Variants in ZNF169 observed in about 807,000 individuals in gnomAD.
ZNF169 encodes the protein zinc finger protein 169.
A neutral mutation model predicts 12.0 loss-of-function variants in ZNF169; 11 were observed. The observed-to-expected ratio is 0.92, with a 90% CI of 0.58 to 1.52. ZNF169 has a LOEUF of 1.52. ZNF169 is among the 40% of genes most tolerant of loss of function. ZNF169 has a pLI of 0.00. For missense variants in ZNF169, 722 were observed against 744.0 expected (o/e 0.97, Z 0.34); for synonymous variants, 302 against 286.5 (o/e 1.05, Z -0.55).
At chr9:94,291,607 T>A (rs534550840) in intron 2 of ZNF169, among the ~76,000 whole-genome samples, 1 of 152,168 alleles carries the variant, frequency 6.6e-6, no homozygotes, top group Non-Finnish European at 1.5e-5. Context: ...TAAAGCTAAG[T>A]AAAGTTTAGT....
At position 94,292,343 on chromosome 9, in the gene ZNF169, A is replaced by T. The variant is rs781165479; in HGVS notation, c.36A>T (p.Ala12=). ...SPGLLTTRKE[A]LMAFRDVAVA... Reference sequence around the variant, plus strand: ...GCAGGGATGTGTTTGTGTTACAGGCATTGATGGCCTTCCGGGATGTGGCTG... The same window carrying T: ...GCAGGGATGTGTTTGTGTTACAGGCTTTGATGGCCTTCCGGGATGTGGCTG... The change falls in exon 3 of 5, where the codon GCA becomes GCT. Residue 12 remains alanine, a splice_region_variant and synonymous_variant. Transcript: ENST00000395395. 1.2e-6 allele frequency: 2 copies of T among 1,614,144 alleles called. No homozygotes were observed. Among genetic ancestry groups the T allele is most frequent in the South Asian group, 1.1e-5 (1 of 91,088 alleles).
At position 94,277,790 on chromosome 9, in the gene ZNF169, G is replaced by A. The variant is rs1012685172; in HGVS notation, c.-55-968G>A. On this transcript the variant is annotated intron_variant, in intron 1 of 4. Coordinates refer to ENST00000395395, the MANE Select transcript of ZNF169 (RefSeq NM_194320.4). ...ACTAAAAATACAAAAAAATTAGCCG[G>A]GCGTGATGGCGGGCGCCTGTAGTCC... Among the ~76,000 whole-genome samples the A allele has an allele frequency of 4.6e-5, 7 of 151,952 alleles. No individual in the cohort carries two copies. In the South Asian group the frequency reaches 1.5e-3, roughly 32 times the overall value.
At chr9:94,261,345 G>C (rs1292861694) in intron 1 of ZNF169, among the ~76,000 whole-genome samples, 1 of 152,034 alleles carries the variant, frequency 6.6e-6, no homozygotes, top group Non-Finnish European at 1.5e-5. Flanking sequence ...TCACCATGTT[G>C]GTCAGGCTGG....
intron 2 of ZNF169, among the ~76,000 whole-genome samples, chr9:94,279,481 T>G (rs1830585252): frequency 1.3e-5 from 2 of 151,334 alleles, no homozygotes. Context: ...GGGAAGAGAC[T>G]GCTGTGAAAA....
At chr9:94,265,049 C>G (rs1428943988) in intron 1 of ZNF169, among the ~76,000 whole-genome samples, 2 of 87,078 alleles carry the variant, frequency 2.3e-5, no homozygotes, top group Non-Finnish European at 4.4e-5. Flanking sequence ...TTTAATATCT[C>G]TTAGGTACTT....
intron 1 of ZNF169, among the ~76,000 whole-genome samples, chr9:94,278,511 T>C (rs2118592626): frequency 6.6e-6 from 1 of 152,324 alleles, no homozygotes; most frequent in Non-Finnish European, 1.5e-5. Flanking sequence ...CCACACAAAG[T>C]CTCACCCAGC....
At chr9:94,284,071 CAAAAAAAAAA>C (rs35204508) in intron 2 of ZNF169, among the ~76,000 whole-genome samples, 12 of 50,448 alleles carry the variant, frequency 2.4e-4, no homozygotes, top group African/African-American at 9.0e-4. Flanking sequence ...GACTCTGTCT[CAAAAAAAAAA>C]AAAAAAAAAA....
At chr9:94,261,618 G>A (rs1051146065) in intron 1 of ZNF169, among the ~76,000 whole-genome samples, 17 of 148,148 alleles carry the variant, frequency 1.1e-4, no homozygotes, top group East Asian at 2.0e-4. Context: ...TCTTTCACTA[G>A]GGGTCTATAC....
chr9:94,297,250 G>T (rs1373586860), intron 4 of ZNF169, among the ~76,000 whole-genome samples: 1 of 149,982 alleles, frequency 6.7e-6, no homozygotes, highest in East Asian at 1.9e-4. Context: ...GTGTCTTACA[G>T]TACGTGAACA....
intron 1 of ZNF169, among the ~76,000 whole-genome samples, chr9:94,271,922 C>G (rs1218074737): frequency 1.0e-5 from 1 of 100,240 alleles, no homozygotes; most frequent in Non-Finnish European, 2.2e-5. Context: ...GTATTGCCGT[C>G]TCTCCTACTT....
Position 94,300,697 on chromosome 9 carries a change from G to A in ZNF169, c.1139G>A (p.Gly380Glu), listed in dbSNP as rs758873226. Residue 380 changes from glycine (G) to glutamate (E), a missense_variant, in exon 5 of 5, where the codon GGG becomes GAG. Transcript: ENST00000395395. Reference protein sequence around the residue: ...GERPFLCLECGRSFRQQSLLL... With the variant: ...GERPFLCLECERSFRQQSLLL... The stretch of plus-strand genomic sequence containing the variant: ...AGGCCCTTCCTGTGCCTTGAGTGTG[G>A]GCGTAGCTTCAGGCAGCAGTCACTC... The A allele has an allele frequency of 9.3e-6, 15 of 1,613,646 alleles. No individual in the cohort carries two copies. Among genetic ancestry groups the A allele is most frequent in the Non-Finnish European group, 1.3e-5 (15 of 1,179,800 alleles).
chr9:94,282,605 G>A (rs1028362709), intron 2 of ZNF169, among the ~76,000 whole-genome samples: 2 of 152,144 alleles, frequency 1.3e-5, no homozygotes, highest in African/African-American at 4.8e-5. Flanking sequence ...TGGGAGGCAG[G>A]TTGGCCCTAA....
intron 2 of ZNF169, chr9:94,288,013 A>G (rs3131906): frequency 0.93 from 734,613 of 787,478 alleles, 345,391 homozygotes; most frequent in East Asian, 0.99. Context: ...TTAGTGTGAA[A>G]CTGGAATTCA....
intron 2 of ZNF169, among the ~76,000 whole-genome samples, chr9:94,284,880 C>T (rs933877869): frequency 1.3e-5 from 2 of 151,824 alleles, no homozygotes; most frequent in Non-Finnish European, 2.9e-5. Flanking sequence ...GAAATAGACT[C>T]ATACTGATAT....
rs1300359809 is a variant in ZNF169 at position 94,278,674 on chromosome 9, A to G, written c.-55-84A>G. ...GTCTTTGTTGCTTCCCTGTTCCTCT[A>G]CTCCCTACTGAATTGGGAGGCTGGA... On this transcript the variant is annotated intron_variant, in intron 1 of 4. Coordinates refer to ENST00000395395, the MANE Select transcript of ZNF169 (RefSeq NM_194320.4). The G allele has an allele frequency of 3.7e-5, 26 of 701,110 alleles. No homozygotes were observed. The East Asian group carries it at 7.3e-4, about 20-fold the overall frequency. 43.4% of individuals were successfully genotyped at this position (701,110 alleles called of 1,614,324 possible).
At position 94,292,440 on chromosome 9, in the gene ZNF169, G is replaced by C; in HGVS notation, c.133G>C (p.Glu45Gln). 6.2e-7 allele frequency: 1 copy of C among 1,614,080 alleles called. No individual in the cohort carries two copies. The highest frequency in any genetic ancestry group is 8.5e-7 in the Non-Finnish European group (1 of 1,179,960). ...GACCCTGTACAGGGAGGTGATGCTG[G>C]AGAACTACAGCCATCTGGTCTCCCT... Reference protein sequence around the residue: ...QRTLYREVMLENYSHLVSLGI... With the variant: ...QRTLYREVMLQNYSHLVSLGI... The change falls in exon 3 of 5, where the codon GAG becomes CAG. Residue 45 changes from glutamate to glutamine, a missense_variant. By Grantham distance (29) the Glu-to-Gln change is conservative. Coordinates refer to ENST00000395395, the MANE Select transcript of ZNF169 (RefSeq NM_194320.4).
chr9:94,272,601 G>A (rs1383836521), intron 1 of ZNF169, among the ~76,000 whole-genome samples: 1 of 152,090 alleles, frequency 6.6e-6, no homozygotes, highest in Non-Finnish European at 1.5e-5. Context: ...CTATGTTGTA[G>A]TATGAGCCAG....
chr9:94,298,841 T>C (rs1251927160), intron 4 of ZNF169, among the ~76,000 whole-genome samples: 1 of 152,078 alleles, frequency 6.6e-6, no homozygotes. Flanking sequence ...TATACCATCA[T>C]GGGAATTAGT....
At chr9:94,299,467 G>T in intron 4 of ZNF169, 1 of 1,088,912 alleles carries the variant, frequency 9.2e-7, no homozygotes, top group East Asian at 3.0e-5. Flanking sequence ...CAAGTTCTTG[G>T]CTCTTGCATA....
Sources: gnomAD v4.1 joint callset for allele counts (sites outside exome capture counted in the v4.1 genomes callset) on GRCh38, gnomAD v4.1.1 for gene constraint, MANE v1.5 for transcripts, NCBI Gene and HGNC (gene_info 2026-07-23, HGNC 2026-07-21) for gene names.